The following MYOT variants were observed in gnomAD, a reference collection of about 807,000 sequenced individuals.
MYOT encodes the protein 57 kDa cytoskeletal protein.
A neutral mutation model predicts 58.0 loss-of-function variants in MYOT; 36 were observed. That is an observed-to-expected ratio of 0.62 (90% CI 0.48 to 0.82). The LOEUF (loss-of-function observed/expected upper bound fraction) is 0.82. Among genes scored for constraint, MYOT ranks in the 40% least tolerant of loss-of-function variants. MYOT has a pLI of 0.00. For synonymous variants in MYOT, 218 were observed against 204.6 expected, an observed-to-expected ratio of 1.07 and a Z score of -0.56; for missense variants, 505 against 592.1, an observed-to-expected ratio of 0.85 and a Z score of 1.53.
chr5:137,884,363 C>T (rs994909279), intron 7 of MYOT, among the ~76,000 whole-genome samples: 8 of 152,084 alleles, frequency 5.3e-5, no homozygotes, highest in Non-Finnish European at 1.0e-4. Flanking sequence ...AAAAAAATTT[C>T]TTAAAAAATC....
intron 1 of MYOT, among the ~76,000 whole-genome samples, chr5:137,868,857 C>T (rs1408881979): frequency 6.6e-6 from 1 of 152,064 alleles, no homozygotes; most frequent in African/African-American, 2.4e-5. Flanking sequence ...ATGTTTTTCC[C>T]CAACAATTTA....
Position 137,876,009 on chromosome 5 carries a change from C to A in MYOT, c.531+6C>A, listed in dbSNP as rs1337458702. On this transcript the variant is annotated splice_donor_region_variant and intron_variant, in intron 3 of 9. Coordinates refer to ENST00000239926, the MANE Select transcript of MYOT (RefSeq NM_006790.3). ...TTCTTCATAATGGAAATCAAGTGGG[C>A]AAGATGTCTATTTTGTACAAAAGGC... The A allele has an allele frequency of 6.2e-7, 1 of 1,613,664 alleles. No individual in the cohort carries two copies. The highest frequency in any genetic ancestry group is 8.5e-7 in the Non-Finnish European group (1 of 1,179,734).
intron 7 of MYOT, 158 bp downstream of exon 7, chr5:137,883,749 A>AAC (rs1755511502): frequency 1.6e-6 from 1 of 638,640 alleles, no homozygotes; most frequent in South Asian, 1.9e-5. Flanking sequence ...CACAGGAAAA[A>AAC]ATATATATAT....
At chr5:137,870,259 G>A (rs1755000180) in intron 1 of MYOT, among the ~76,000 whole-genome samples, 182 bp from the exon 2 acceptor site, 2 of 147,990 alleles carry the variant, frequency 1.4e-5, no homozygotes, top group Non-Finnish European at 1.5e-5. Flanking sequence ...GGGCTACAGT[G>A]AGCTATGTTC....
chr5:137,887,068 C>T, intron 9 of MYOT, 71 bp downstream of exon 9: 1 of 1,563,980 alleles, frequency 6.4e-7, no homozygotes, highest in Non-Finnish European at 8.8e-7. Context: ...ATGAAAATCC[C>T]AGCAGAGTAT....
At chr5:137,869,088 A>G (rs1053342130) in intron 1 of MYOT, among the ~76,000 whole-genome samples, 2 of 152,188 alleles carry the variant, frequency 1.3e-5, no homozygotes, top group African/African-American at 4.8e-5. Flanking sequence ...AAGGTATCCT[A>G]TTATTTAGGA....
intron 5 of MYOT, 115 bp downstream of exon 5, chr5:137,880,980 A>G: frequency 1.3e-6 from 1 of 763,780 alleles, no homozygotes; most frequent in Non-Finnish European, 2.1e-6. Flanking sequence ...GAAAAATACA[A>G]TGTGTATTTT....
chr5:137,879,571 C>T (rs1755350658), intron 4 of MYOT, among the ~76,000 whole-genome samples: 2 of 131,676 alleles, frequency 1.5e-5, no homozygotes, highest in Admixed American at 8.6e-5. Context: ...GTCACCCAGG[C>T]TGGAGTACAA....
At chr5:137,873,467 T>G (rs1187870916) in intron 2 of MYOT, among the ~76,000 whole-genome samples, 1 of 151,072 alleles carries the variant, frequency 6.6e-6, no homozygotes, top group Non-Finnish European at 1.5e-5. Context: ...CCGGGAGACA[T>G]AGAGAGAGGC....
intron 2 of MYOT, 90 bp downstream of exon 2, chr5:137,871,097 C>A: frequency 9.4e-7 from 1 of 1,068,088 alleles, no homozygotes; most frequent in Non-Finnish European, 1.4e-6. Flanking sequence ...TGCTGCAGTT[C>A]ATTCTTTACT....
At chr5:137,874,901 A>G (rs549146712) in intron 2 of MYOT, among the ~76,000 whole-genome samples, 1 of 152,194 alleles carries the variant, frequency 6.6e-6, no homozygotes, top group East Asian at 1.9e-4. Flanking sequence ...TGTAGACTCC[A>G]TTCAAAGCAA....
Position 137,887,289 on chromosome 5 carries a change from T to A in MYOT, c.1401T>A (p.Asn467Lys), listed in dbSNP as rs145427063. 1.8e-4 allele frequency: 287 copies of A among 1,613,918 alleles called. No homozygotes were observed. Among genetic ancestry groups the A allele is most frequent in the Non-Finnish European group, 2.2e-4 (256 of 1,179,970 alleles). ...CATTCAGCAAATATTTAGCACTTAA[T>A]GGGAAAGGTTTGAATGTAAAACAAG... ...RPTFSKYLAL[N>K]GKGLNVKQAF... The change falls in exon 10 of 10, where the codon AAT (asparagine) becomes AAA (lysine). Residue 467 changes from asparagine (N) to lysine (K), a missense_variant. Transcript: ENST00000239926.
chr5:137,884,835 C>T (rs1215428644), intron 7 of MYOT, among the ~76,000 whole-genome samples: 3 of 152,044 alleles, frequency 2.0e-5, no homozygotes, highest in Non-Finnish European at 1.5e-5. Flanking sequence ...AGATATTTTG[C>T]TATAATTCAC....
intron 4 of MYOT, 116 bp from the exon 5 acceptor site, chr5:137,880,700 A>G: frequency 1.2e-6 from 1 of 826,942 alleles, no homozygotes. Context: ...AGAACTTACC[A>G]GGGCTGTTCA....
In MYOT at chr5:137,883,446, T is replaced by C; in HGVS notation, c.879T>C (p.Asp293=). 6.2e-7 allele frequency: 1 copy of C among 1,614,136 alleles called. No homozygotes were observed. Among genetic ancestry groups the C allele is most frequent in the Non-Finnish European group, 8.5e-7 (1 of 1,180,030 alleles). The part of the protein sequence containing the change: ...WYLNGRTVQS[D]DLHKMIVSEK... ...TAAATGGAAGAACAGTTCAATCAGATGATTTGCACAAAATGATAGTGTCTG... is the reference window on the plus strand; with the variant it reads ...TAAATGGAAGAACAGTTCAATCAGACGATTTGCACAAAATGATAGTGTCTG... Residue 293 remains aspartate, a synonymous_variant, in exon 7 of 10, where the codon GAT becomes GAC. Coordinates refer to ENST00000239926, the MANE Select transcript of MYOT (RefSeq NM_006790.3).
intron 1 of MYOT, among the ~76,000 whole-genome samples, chr5:137,869,924 T>C (rs1754986522): frequency 6.6e-6 from 1 of 151,884 alleles, no homozygotes; most frequent in African/African-American, 2.4e-5. Flanking sequence ...CCTTAATTAA[T>C]ATCTAGTTTA....
chr5:137,880,741 A>T, intron 4 of MYOT, 75 bp from the exon 5 acceptor site: 3 of 1,217,626 alleles, frequency 2.5e-6, no homozygotes, highest in Non-Finnish European at 3.7e-6. Context: ...GTTCCTTTCA[A>T]CTGTAACTAC....
intron 1 of MYOT, 97 bp from the exon 2 acceptor site, chr5:137,870,342 AAG>A (rs1755007491): frequency 7.0e-6 from 3 of 426,128 alleles, no homozygotes; most frequent in African/African-American, 2.0e-5. Context: ...GAAGGAAGGA[AAG>A]AAAGGAAAAG....
chr5:137,883,375 T>C lies in MYOT; in HGVS notation c.817-9T>C. ...AAATTCTGCCATCTCCTTGTGTTTT[T>C]CTTTCTAGGTGAGTGGACTGCCAGC... On this transcript the variant is annotated splice_polypyrimidine_tract_variant and intron_variant, in intron 6 of 9. Transcript: ENST00000239926. 6.2e-7 allele frequency: 1 copy of C among 1,613,124 alleles called. No homozygotes were observed. The highest frequency in any genetic ancestry group is 8.5e-7 in the Non-Finnish European group (1 of 1,179,206).
Sources: allele counts gnomAD v4.1 joint callset (sites outside exome capture counted in the v4.1 genomes callset), GRCh38; gene constraint gnomAD v4.1.1; transcripts MANE v1.5; gene names NCBI Gene and HGNC (gene_info 2026-07-23, HGNC 2026-07-21).